CELF2: variants seen among roughly 807,000 people sequenced by gnomAD.
CELF2 encodes the protein CUG triplet repeat RNA-binding protein 2.
In CELF2, 8 loss-of-function variants were observed where a neutral mutation model predicts 62.6. The ratio of observed to expected loss-of-function variants is 0.13; its 90% CI spans 0.07 to 0.23. The LOEUF (loss-of-function observed/expected upper bound fraction) is 0.23. Ranked by LOEUF, CELF2 falls within the 10% of genes least tolerant of loss-of-function variation. The pLI is 1.00. For missense variants in CELF2, 333 were observed against 671.0 expected, an observed-to-expected ratio of 0.50 and a Z score of 5.56; for synonymous variants, 258 against 250.0, an observed-to-expected ratio of 1.03 and a Z score of -0.30.
the CELF2 span, among the ~76,000 whole-genome samples, chr10:10,528,784 G>A: frequency 6.6e-6 from 1 of 152,152 alleles, no homozygotes. Context: ...TGTTATGGAA[G>A]GGACTTAAAG....
At position 11,314,808 on chromosome 10, in the gene CELF2, T is replaced by C. The variant is rs370135594; in HGVS notation, c.1096+550T>C. The C allele has an allele frequency of 9.4e-5, 17 of 180,542 alleles. No homozygotes were observed. In the South Asian group the frequency reaches 2.1e-3, roughly 22 times the overall value. 11.2% of individuals were successfully genotyped at this position (180,542 alleles called of 1,614,324 possible). On this transcript the variant is annotated intron_variant, in intron 10 of 12. Coordinates refer to ENST00000633077, the MANE Select transcript of CELF2 (RefSeq NM_001326342.2). The surrounding 1 kb of genome is among the most constrained non-coding windows in gnomAD (Gnocchi z 5.3). ...TTAAATAGGGGAGAAAATTAGGCCT[T>C]GGAAAGAAGGAAATGAAACTGAGGG...
chr10:11,257,617 G>A (rs1323148349), intron 4 of CELF2, 121 bp from the exon 5 acceptor site: 1 of 1,061,288 alleles, frequency 9.4e-7, no homozygotes, highest in Non-Finnish European at 1.4e-6. Flanking sequence ...CTGCAGAGTT[G>A]GCCTTGGGAC....
chr10:10,691,642 A>G, the CELF2 span, among the ~76,000 whole-genome samples: 1 of 150,874 alleles, frequency 6.6e-6, no homozygotes, highest in African/African-American at 2.4e-5. Context: ...AAGTGTTCCT[A>G]TTTCTCCACA....
the CELF2 span, among the ~76,000 whole-genome samples, chr10:10,666,667 T>C: frequency 2.6e-3 from 202 of 78,670 alleles, 41 homozygotes; most frequent in African/African-American, 0.011. Context: ...TCGAGACCAT[T>C]CTGGCTAACA....
In CELF2 at chr10:10,993,668, AT is replaced by A. The variant is rs1192689602; in HGVS notation, c.89+73670del. On this transcript the variant is annotated intron_variant, in intron 2 of 13. Transcript: ENST00000636488. This position sits in a 1 kb window ranked among gnomAD's most constrained non-coding sequence, Gnocchi z 5.3. ...ATTGTAGAAATAGGGCTTGTGCTGC[AT>A]GATTCTAATGGGGTATTAGAGAACT... Among the ~76,000 whole-genome samples, 1 of 152,232 alleles carries A rather than the reference AT, an allele frequency of 6.6e-6. No individual in the cohort carries two copies. The highest frequency in any genetic ancestry group is 2.4e-5 in the African/African-American group (1 of 41,460).
rs570599948 is a variant in CELF2 at position 10,889,787 on chromosome 10, G to A, written c.54-30177G>A. Among the ~76,000 whole-genome samples the A allele has an allele frequency of 5.3e-5, 8 of 152,338 alleles. 1 individual carries two copies. The South Asian group carries it at 1.7e-3, about 32-fold the overall frequency. On this transcript the variant is annotated intron_variant, in intron 1 of 13. Coordinates refer to the CELF2 transcript ENST00000636488. ...CCTAGGAGGGGAGCATAACACAAGA[G>A]TATTGCATAGGAGAGTCTTCCAAAG...
intron 1 of CELF2, among the ~76,000 whole-genome samples, chr10:10,904,680 C>T (rs1289701703): frequency 6.6e-6 from 1 of 152,214 alleles, no homozygotes; most frequent in African/African-American, 2.4e-5. Context: ...GATTAATGCC[C>T]ATGCGCCTGC....
At chr10:11,087,911 G>A (rs572147742) in intron 1 of CELF2, among the ~76,000 whole-genome samples, 2 of 152,318 alleles carry the variant, frequency 1.3e-5, no homozygotes, top group East Asian at 1.9e-4. Context: ...TACTATACAT[G>A]TTTCTTAAAT....
the CELF2 span, among the ~76,000 whole-genome samples, chr10:10,773,032 G>T: frequency 6.6e-6 from 1 of 152,184 alleles, no homozygotes; most frequent in African/African-American, 2.4e-5. Flanking sequence ...GAATGGGGGG[G>T]ACAGCAGAAG....
intron 3 of CELF2, among the ~76,000 whole-genome samples, chr10:11,233,156 T>G (rs770247600): frequency 2.0e-5 from 3 of 152,196 alleles, no homozygotes; most frequent in Non-Finnish European, 4.4e-5. Flanking sequence ...CCAACACTGA[T>G]TTTTAAAAGG....
chr10:10,464,708 G>T, the CELF2 span, among the ~76,000 whole-genome samples: 1 of 152,198 alleles, frequency 6.6e-6, no homozygotes, highest in Middle Eastern at 3.4e-3. Flanking sequence ...GTAAAATTAT[G>T]GGTTTCACTG....
intron 1 of CELF2, among the ~76,000 whole-genome samples, chr10:11,163,559 A>G (rs1051179792): frequency 6.6e-6 from 1 of 152,232 alleles, no homozygotes; most frequent in Non-Finnish European, 1.5e-5. Context: ...TCTAATATAA[A>G]CAAGGATTAC....
chr10:10,697,274 G>A, the CELF2 span, among the ~76,000 whole-genome samples: 1 of 152,152 alleles, frequency 6.6e-6, no homozygotes, highest in Non-Finnish European at 1.5e-5. Flanking sequence ...TTTGCAGGAT[G>A]TTTGCAATGG....
At chr10:11,095,442 G>A (rs894351080) in intron 1 of CELF2, among the ~76,000 whole-genome samples, 9 of 152,182 alleles carry the variant, frequency 5.9e-5, no homozygotes, top group Admixed American at 4.6e-4. Flanking sequence ...TCAGTGCCCC[G>A]GCATTCGGCA....
At chr10:10,503,376 A>T in the CELF2 span, among the ~76,000 whole-genome samples, 2 of 151,838 alleles carry the variant, frequency 1.3e-5, no homozygotes, top group African/African-American at 4.8e-5. Context: ...TTCAGTTCTA[A>T]TTTTTGCTTC....
At chr10:10,581,111 G>A in the CELF2 span, among the ~76,000 whole-genome samples, 1 of 152,196 alleles carries the variant, frequency 6.6e-6, no homozygotes, top group Admixed American at 6.5e-5. Flanking sequence ...AAAAGGATAG[G>A]ATGTCAGTGT....
At chr10:11,129,711 A>T (rs1048823113) in intron 1 of CELF2, among the ~76,000 whole-genome samples, 2 of 151,918 alleles carry the variant, frequency 1.3e-5, no homozygotes, top group Non-Finnish European at 2.9e-5. Flanking sequence ...TTTCTGTGGG[A>T]TTGGTGGTGA....
At chr10:10,475,430 A>T in the CELF2 span, among the ~76,000 whole-genome samples, 1 of 151,732 alleles carries the variant, frequency 6.6e-6, no homozygotes, top group East Asian at 1.9e-4. Flanking sequence ...ACTTACCAAC[A>T]TCGCAATTAT....
intron 1 of CELF2, among the ~76,000 whole-genome samples, chr10:11,143,306 C>T (rs1314987012): frequency 2.0e-5 from 3 of 152,186 alleles, no homozygotes; most frequent in Non-Finnish European, 4.4e-5. Flanking sequence ...GTTCTTTAAT[C>T]ATCATGATTC....
Sources: allele counts gnomAD v4.1 joint callset (sites outside exome capture counted in the v4.1 genomes callset), GRCh38; gene constraint gnomAD v4.1.1; non-coding constraint Gnocchi (gnomAD v3.1); transcripts MANE v1.5; gene names NCBI Gene and HGNC (gene_info 2026-07-23, HGNC 2026-07-21).